RAB2A: variants seen among roughly 807,000 people sequenced by gnomAD.
The protein encoded by RAB2A is ras-related protein Rab-2A.
Under a neutral mutation model 32.5 loss-of-function variants are expected in RAB2A, and 7 were observed. That is an observed-to-expected ratio of 0.22 (90% confidence interval 0.12 to 0.40). RAB2A has a LOEUF of 0.40. Among genes scored for constraint, RAB2A ranks in the 10% least tolerant of loss-of-function variants. RAB2A has a pLI of 1.00. For synonymous variants in RAB2A, 79 were observed against 85.2 expected (o/e 0.93, Z 0.40); for missense variants, 108 against 260.7 (o/e 0.41, Z 4.03).
rs1804552708 is a variant in RAB2A, at chr8:60,622,959, T to G, written c.*2190T>G. 6.6e-6 allele frequency: 1 copy of G among 152,252 alleles called. No individual in the cohort carries two copies. The highest frequency in any genetic ancestry group is 1.5e-5 in the Non-Finnish European group (1 of 68,038). The allele number at this position is 152,252 out of a possible 1,614,324, so 9.4% of individuals were successfully genotyped here. Reference sequence around the variant, plus strand: ...ATTTTATTATCCCTGTCAAATAATGTAATATTGGTACCTGCAGTTGAATTT... The same window carrying G: ...ATTTTATTATCCCTGTCAAATAATGGAATATTGGTACCTGCAGTTGAATTT... On this transcript the variant is annotated 3_prime_UTR_variant, in exon 8 of 8. Transcript: ENST00000262646.
chr8:60,527,568 T>C (rs1807412137), intron 1 of RAB2A, among the ~76,000 whole-genome samples: 1 of 152,034 alleles, frequency 6.6e-6, no homozygotes, highest in South Asian at 2.1e-4. Flanking sequence ...GGATTACAAT[T>C]CCAGATGAGA....
chr8:60,592,561 C>T (rs544092683), intron 6 of RAB2A, among the ~76,000 whole-genome samples: 9 of 152,072 alleles, frequency 5.9e-5, no homozygotes, highest in Non-Finnish European at 8.8e-5. Flanking sequence ...CACATCACCA[C>T]TTCTGCTTAA....
chr8:60,534,037 T>C (rs977245270), intron 1 of RAB2A, among the ~76,000 whole-genome samples: 1 of 152,106 alleles, frequency 6.6e-6, no homozygotes. Context: ...GTGCTGGAGT[T>C]CGAAAAATGA....
chr8:60,607,446 A>G (rs1804253797), intron 6 of RAB2A, among the ~76,000 whole-genome samples: 1 of 151,316 alleles, frequency 6.6e-6, no homozygotes. Context: ...AAAAAAAAAA[A>G]AAAGGTTTTT....
chr8:60,517,119 C>T lies in RAB2A; in HGVS notation c.-89C>T, dbSNP rs1381693220. 5.2e-6 allele frequency: 7 copies of T among 1,347,778 alleles called. No homozygotes were observed. Among genetic ancestry groups the T allele is most frequent in the South Asian group, 3.2e-5 (2 of 63,276 alleles). 83.5% of individuals were successfully genotyped at this position (1,347,778 alleles called of 1,614,324 possible). A position where few individuals can be genotyped will look rare whatever the true frequency, so the allele number is the denominator to read the frequency against. ...CGGCGGCGGGCGGCGCCTGGCGTTT[C>T]GAGGCTGAGCGGCACCGGGGTTGGG... On this transcript the variant is annotated 5_prime_UTR_variant, in exon 1 of 8. Transcript: ENST00000262646.
chr8:60,535,176 TTTC>T (rs1307309350), intron 1 of RAB2A, among the ~76,000 whole-genome samples: 1 of 152,246 alleles, frequency 6.6e-6, no homozygotes, highest in African/African-American at 2.4e-5. Flanking sequence ...TTCTTGTAAT[TTTC>T]TTATCAGATT....
intron 1 of RAB2A, among the ~76,000 whole-genome samples, chr8:60,533,552 T>C (rs959045896): frequency 1.3e-5 from 2 of 152,214 alleles, no homozygotes; most frequent in African/African-American, 4.8e-5. Flanking sequence ...AAAGAGCTTG[T>C]TCACTGGTAA....
intron 1 of RAB2A, 52 bp from the exon 2 acceptor site, chr8:60,558,800 C>A: frequency 1.4e-6 from 2 of 1,443,898 alleles, no homozygotes; most frequent in Non-Finnish European, 1.9e-6. Context: ...TTTTGTAAAG[C>A]ATCTTAATTT....
chr8:60,548,950 C>G (rs1302023288), intron 1 of RAB2A, among the ~76,000 whole-genome samples: 5 of 151,522 alleles, frequency 3.3e-5, no homozygotes, highest in African/African-American at 1.2e-4. Flanking sequence ...AGAGGGTCTC[C>G]TCACTTCTCA....
intron 6 of RAB2A, among the ~76,000 whole-genome samples, chr8:60,596,436 C>T (rs553621425): frequency 2.6e-5 from 4 of 152,248 alleles, no homozygotes; most frequent in African/African-American, 9.6e-5. Context: ...CTACAAAGAA[C>T]TTAAACAAAT....
intron 6 of RAB2A, among the ~76,000 whole-genome samples, chr8:60,597,685 A>G (rs933488454): frequency 6.6e-6 from 1 of 152,186 alleles, no homozygotes; most frequent in East Asian, 1.9e-4. Context: ...AAATAAATAG[A>G]AAGGAGGGAA....
intron 1 of RAB2A, among the ~76,000 whole-genome samples, chr8:60,520,652 G>T (rs1041721428): frequency 1.3e-5 from 2 of 152,124 alleles, no homozygotes; most frequent in Non-Finnish European, 2.9e-5. Context: ...TCTTTTGAGA[G>T]TTTAACAAAT....
chr8:60,575,838 G>T (rs1221959364), intron 3 of RAB2A, among the ~76,000 whole-genome samples: 1 of 151,890 alleles, frequency 6.6e-6, no homozygotes. Flanking sequence ...TGTATTTTTA[G>T]TAGAGACGGG....
At chr8:60,535,957 G>T (rs1473067052) in intron 1 of RAB2A, among the ~76,000 whole-genome samples, 1 of 152,160 alleles carries the variant, frequency 6.6e-6, no homozygotes, top group African/African-American at 2.4e-5. Flanking sequence ...AGAGTGCTCT[G>T]ATGCTAGGTA....
At chr8:60,575,802 C>T (rs766186386) in intron 3 of RAB2A, among the ~76,000 whole-genome samples, 6 of 151,856 alleles carry the variant, frequency 4.0e-5, no homozygotes, top group Non-Finnish European at 5.9e-5. Flanking sequence ...GAATTACAGG[C>T]ATGCACCACC....
At chr8:60,602,499 C>G (rs1259226009) in intron 6 of RAB2A, among the ~76,000 whole-genome samples, 5 of 152,266 alleles carry the variant, frequency 3.3e-5, no homozygotes, top group African/African-American at 1.2e-4. Context: ...TCAAGGAAGA[C>G]TAACAAAAGG....
intron 1 of RAB2A, among the ~76,000 whole-genome samples, chr8:60,533,981 TAGC>T (rs1453814988): frequency 6.6e-6 from 1 of 151,490 alleles, no homozygotes; most frequent in African/African-American, 2.4e-5. Context: ...AACAAAACAA[TAGC>T]AACAACAACA....
chr8:60,588,804 CA>C (rs1159688836), intron 5 of RAB2A, among the ~76,000 whole-genome samples: 2 of 152,052 alleles, frequency 1.3e-5, no homozygotes, highest in Non-Finnish European at 2.9e-5. Context: ...TGTTACACCT[CA>C]AAAAAGCTAT....
intron 3 of RAB2A, among the ~76,000 whole-genome samples, chr8:60,576,994 G>A (rs1041291069): frequency 2.0e-5 from 3 of 151,898 alleles, no homozygotes; most frequent in Non-Finnish European, 4.4e-5. Flanking sequence ...TTTTTCTTAC[G>A]TGGCAGCACT....
Sources: gnomAD v4.1 joint callset for allele counts (sites outside exome capture counted in the v4.1 genomes callset) on GRCh38, gnomAD v4.1.1 for gene constraint, MANE v1.5 for transcripts, NCBI Gene and HGNC (gene_info 2026-07-23, HGNC 2026-07-21) for gene names.